Variants in GRID1 observed in about 807,000 individuals in gnomAD.
GRID1 encodes glutamate ionotropic receptor delta type subunit 1.
In GRID1, 28 loss-of-function variants were observed where a neutral mutation model predicts 98.0. That is an observed-to-expected ratio of 0.29 (90% CI 0.21 to 0.39). GRID1 has a LOEUF of 0.39. Among genes scored for constraint, GRID1 ranks in the 10% least tolerant of loss-of-function variants. GRID1 has a pLI of 1.00. For synonymous variants in GRID1, 553 were observed against 538.5 expected (o/e 1.03, Z -0.37); for missense variants, 1,111 against 1,340.5 (o/e 0.83, Z 2.67).
intron 15 of GRID1, chr10:85,606,155 C>T (rs934903630): frequency 4.6e-5 from 7 of 152,182 alleles, no homozygotes; most frequent in African/African-American, 1.7e-4. Flanking sequence ...ATTTTACTCA[C>T]ATTTTTTTTT....
At chr10:85,816,764 G>T (rs1842720159) in intron 8 of GRID1, among the ~76,000 whole-genome samples, 1 of 152,166 alleles carries the variant, frequency 6.6e-6, no homozygotes, top group South Asian at 2.1e-4. Context: ...GGTAAACTGT[G>T]TGTCAAAGGG....
intron 15 of GRID1, among the ~76,000 whole-genome samples, chr10:85,610,787 G>A (rs1842723923): frequency 6.6e-6 from 1 of 152,192 alleles, no homozygotes; most frequent in East Asian, 1.9e-4. Context: ...AGAGAGGGAA[G>A]AAGGAAGGGA....
At chr10:85,938,233 C>G (rs536430826) in intron 4 of GRID1, among the ~76,000 whole-genome samples, 1 of 152,104 alleles carries the variant, frequency 6.6e-6, no homozygotes, top group Non-Finnish European at 1.5e-5. Flanking sequence ...GAGAAAAATA[C>G]TTGGACATAT....
chr10:85,705,506 C>A (rs1325593884), intron 12 of GRID1, among the ~76,000 whole-genome samples: 1 of 152,286 alleles, frequency 6.6e-6, no homozygotes, highest in Middle Eastern at 3.4e-3. Flanking sequence ...CAGATGGATT[C>A]ACAGCCGAAT....
At chr10:85,914,661 C>T (rs1266955102) in intron 5 of GRID1, among the ~76,000 whole-genome samples, 1 of 152,174 alleles carries the variant, frequency 6.6e-6, no homozygotes, top group Admixed American at 6.5e-5. Flanking sequence ...TAGTTACAAT[C>T]TGATACTACC....
chr10:85,683,137 C>A (rs1841229753), intron 12 of GRID1, among the ~76,000 whole-genome samples: 1 of 152,180 alleles, frequency 6.6e-6, no homozygotes, highest in Non-Finnish European at 1.5e-5. Flanking sequence ...CCTTCTCTGT[C>A]TGTCTGAAAC....
chr10:85,621,828 C>T (rs1336164412), intron 13 of GRID1, among the ~76,000 whole-genome samples: 2 of 152,122 alleles, frequency 1.3e-5, no homozygotes, highest in East Asian at 3.9e-4. Context: ...AAAAGATAGA[C>T]ATTTTCAACC....
intron 8 of GRID1, among the ~76,000 whole-genome samples, chr10:85,742,824 A>G (rs1841957452): frequency 6.6e-6 from 1 of 152,134 alleles, no homozygotes; most frequent in African/African-American, 2.4e-5. Context: ...CTTTGGGACT[A>G]GGTCAGAAAG....
Position 85,602,167 on chromosome 10 carries a change from A to G in GRID1, c.*106T>C. The G allele has an allele frequency of 1.6e-6, 1 of 625,400 alleles. No individual in the cohort carries two copies. The highest frequency in any genetic ancestry group is 2.7e-6 in the Non-Finnish European group (1 of 365,610). The allele number at this position is 625,400 out of a possible 1,614,324, so 38.7% of individuals were successfully genotyped here. On this transcript the variant is annotated 3_prime_UTR_variant, in exon 16 of 16. Coordinates refer to ENST00000327946, the MANE Select transcript of GRID1 (RefSeq NM_017551.3). ...AAGAAAAATGAAAGAGTCTCTGTGTATGTGTGTGTGTGCGAGTGTGTGTGG... is the reference window on the plus strand; with the variant it reads ...AAGAAAAATGAAAGAGTCTCTGTGTGTGTGTGTGTGTGCGAGTGTGTGTGG...
chr10:86,260,764 A>T (rs1290042438), intron 2 of GRID1, among the ~76,000 whole-genome samples: 1 of 152,234 alleles, frequency 6.6e-6, no homozygotes, highest in African/African-American at 2.4e-5. Flanking sequence ...AGTGATGGAA[A>T]GCATGGTCCC....
chr10:85,941,734 A>T (rs576104837), intron 4 of GRID1, among the ~76,000 whole-genome samples: 3 of 152,238 alleles, frequency 2.0e-5, no homozygotes, highest in Non-Finnish European at 4.4e-5. Context: ...CAGGTCACAA[A>T]TTCAGGAGGT....
chr10:86,364,948 G>C (rs1848653832), intron 1 of GRID1, among the ~76,000 whole-genome samples: 1 of 152,156 alleles, frequency 6.6e-6, no homozygotes, highest in African/African-American at 2.4e-5. Flanking sequence ...AGATCAGTGC[G>C]ACCAGCCCGA....
chr10:86,116,642 G>A (rs1844585443), intron 4 of GRID1, among the ~76,000 whole-genome samples: 1 of 152,066 alleles, frequency 6.6e-6, no homozygotes, highest in African/African-American at 2.4e-5. Flanking sequence ...ACAAGCAAAA[G>A]GCAACATGCA....
intron 12 of GRID1, among the ~76,000 whole-genome samples, chr10:85,674,713 G>T (rs1590185005): frequency 6.9e-6 from 1 of 145,338 alleles, no homozygotes; most frequent in South Asian, 2.2e-4. Flanking sequence ...AAAATTGCAG[G>T]TTTTTTTTTT....
At chr10:86,032,829 TAAAAAAA>T (rs58350170) in intron 4 of GRID1, among the ~76,000 whole-genome samples, 45 of 109,860 alleles carry the variant, frequency 4.1e-4, no homozygotes, top group African/African-American at 1.5e-3. Context: ...AATAAATACT[TAAAAAAA>T]AAAAAAAAAA....
intron 3 of GRID1, among the ~76,000 whole-genome samples, chr10:86,168,110 C>G (rs1197964309): frequency 6.6e-6 from 1 of 152,136 alleles, no homozygotes; most frequent in East Asian, 1.9e-4. Flanking sequence ...CTGGACTCCA[C>G]CAGAGGCACT....
At chr10:86,222,199 C>A (rs1049064408) in intron 2 of GRID1, among the ~76,000 whole-genome samples, 4 of 152,160 alleles carry the variant, frequency 2.6e-5, no homozygotes, top group African/African-American at 9.7e-5. Flanking sequence ...TGAAGCTTGG[C>A]GATGTGAGCC....
intron 2 of GRID1, among the ~76,000 whole-genome samples, chr10:86,221,222 G>C (rs1846249985): frequency 6.6e-6 from 1 of 152,230 alleles, no homozygotes; most frequent in Non-Finnish European, 1.5e-5. Context: ...TTTCACAGTA[G>C]CAGATGCTCA....
intron 4 of GRID1, among the ~76,000 whole-genome samples, chr10:85,919,735 C>A (rs1564626762): frequency 6.6e-6 from 1 of 152,248 alleles, no homozygotes; most frequent in Non-Finnish European, 1.5e-5. Context: ...TTCCAGCAGG[C>A]AGGCAGAGTA....
Sources: gnomAD v4.1 joint callset for allele counts (sites outside exome capture counted in the v4.1 genomes callset) on GRCh38, gnomAD v4.1.1 for gene constraint, MANE v1.5 for transcripts, NCBI Gene and HGNC (gene_info 2026-07-23, HGNC 2026-07-21) for gene names.